The following SHROOM2 variants were observed in gnomAD, a reference collection of about 807,000 sequenced individuals.
The protein encoded by SHROOM2 is protein Shroom2.
A neutral mutation model predicts 75.9 loss-of-function variants in SHROOM2; 33 were observed. That is an observed-to-expected ratio of 0.43 (90% CI 0.33 to 0.58). SHROOM2 has a LOEUF of 0.58. Ranked by LOEUF, SHROOM2 falls within the 20% of genes least tolerant of loss-of-function variation. SHROOM2 has a pLI of 0.04. For synonymous variants in SHROOM2, 655 were observed against 663.6 expected, an observed-to-expected ratio of 0.99 and a Z score of 0.20; for missense variants, 1,434 against 1,461.2, an observed-to-expected ratio of 0.98 and a Z score of 0.30.
At chrX:9,939,680 G>T (rs1238353835) in intron 8 of SHROOM2, among the ~76,000 whole-genome samples, 3 of 111,995 alleles carry the variant, frequency 2.7e-5, no homozygotes, top group Non-Finnish European at 5.6e-5. Context: ...TTGCTCTGTC[G>T]TGCAGGCTTG....
intron 1 of SHROOM2, among the ~76,000 whole-genome samples, chrX:9,869,324 ACTTAT>A (rs1299949529): frequency 7.1e-5 from 8 of 112,681 alleles, no homozygotes; most frequent in African/African-American, 2.6e-4. Flanking sequence ...ATAATATGAA[ACTTAT>A]CTTCTTAATA....
At chrX:9,864,085 G>A (rs967813816) in intron 1 of SHROOM2, among the ~76,000 whole-genome samples, 10 of 110,833 alleles carry the variant, frequency 9.0e-5, no homozygotes, top group Non-Finnish European at 1.7e-4. Context: ...GTCTCCGGGC[G>A]AAACTTCAGT....
At chrX:9,888,171 C>T (rs1039849371) in intron 2 of SHROOM2, among the ~76,000 whole-genome samples, 2 of 112,765 alleles carry the variant, frequency 1.8e-5, no homozygotes, top group Admixed American at 1.9e-4. Context: ...GGGCCTTCCG[C>T]GGGGCTGGCT....
At chrX:9,794,053 G>A (rs754969204) in intron 1 of SHROOM2, among the ~76,000 whole-genome samples, 7 of 112,056 alleles carry the variant, frequency 6.2e-5, no homozygotes, top group East Asian at 5.7e-4. Flanking sequence ...CCTCTTCCCC[G>A]CTCTGAGGAG....
intron 2 of SHROOM2, among the ~76,000 whole-genome samples, chrX:9,884,630 A>G (rs962507232): frequency 1.9e-5 from 2 of 105,292 alleles, no homozygotes; most frequent in East Asian, 2.9e-4. Flanking sequence ...TTAATGTTCA[A>G]TGACATCCTA....
At position 9,868,030 on chromosome X, in the gene SHROOM2, G is replaced by A. The variant is rs969706962; in HGVS notation, c.166-5622G>A. 4.6e-4 allele frequency among the ~76,000 whole-genome samples: 50 copies of A among 109,234 alleles called. No individual in the cohort carries two copies. In the Admixed American group the frequency reaches 4.8e-3, roughly 10 times the overall value. The allele number at this position is 109,234 out of a possible 115,157, so 94.9% of individuals were successfully genotyped here. ...TGTGGGAATGAGACACATTCCCACC[G>A]AAAACCCCACCCGGTCACCACTGAG... On this transcript the variant is annotated intron_variant, in intron 1 of 9. Coordinates refer to ENST00000380913, the MANE Select transcript of SHROOM2 (RefSeq NM_001649.4).
rs2084844281 is a variant in SHROOM2 at position 9,948,658 on chromosome X, A to G, written c.*1721A>G. The G allele has an allele frequency of 1.8e-5, 2 of 113,757 alleles. No homozygotes were observed. The highest frequency in any genetic ancestry group is 3.7e-5 in the Non-Finnish European group (2 of 53,622). The allele number at this position is 113,757 out of a possible 1,213,427, so 9.4% of individuals were successfully genotyped here. On this transcript the variant is annotated 3_prime_UTR_variant, in exon 10 of 10. Transcript: ENST00000380913. ...TCCAAACTGGCAAGCTCAATGATGC[A>G]GGCAATAAACCGCCTTTTTGGCAGC...
At chrX:9,844,783 C>T (rs887462740) in intron 1 of SHROOM2, among the ~76,000 whole-genome samples, 8 of 110,764 alleles carry the variant, frequency 7.2e-5, no homozygotes, top group Non-Finnish European at 1.3e-4. Flanking sequence ...CCATTGCACT[C>T]CAGCCTGGGC....
chrX:9,822,799 G>A (rs996557261), intron 1 of SHROOM2, among the ~76,000 whole-genome samples: 1 of 111,607 alleles, frequency 9.0e-6, no homozygotes, highest in African/African-American at 3.3e-5. Flanking sequence ...CTTGCTTAGT[G>A]CCAGGAGGAG....
chrX:9,868,429 A>G (rs1011739464), intron 1 of SHROOM2, among the ~76,000 whole-genome samples: 79 of 109,266 alleles, frequency 7.2e-4, no homozygotes, highest in Non-Finnish European at 1.2e-3. Context: ...TATTTTTAGT[A>G]GAGATGGGGT....
intron 5 of SHROOM2, among the ~76,000 whole-genome samples, chrX:9,931,510 G>A (rs1648690905): frequency 1.8e-5 from 2 of 111,030 alleles, no homozygotes; most frequent in African/African-American, 6.6e-5. Context: ...AGCCAGGCAT[G>A]GTGGTGGGCA....
intron 5 of SHROOM2, among the ~76,000 whole-genome samples, chrX:9,927,059 A>C (rs973599208): frequency 9.0e-6 from 1 of 111,150 alleles, no homozygotes; most frequent in Non-Finnish European, 1.9e-5. Flanking sequence ...CACCAAAAGT[A>C]GTTATGATGC....
chrX:9,917,832 A>T (rs1432958903), intron 5 of SHROOM2, among the ~76,000 whole-genome samples: 1 of 112,020 alleles, frequency 8.9e-6, no homozygotes, highest in Admixed American at 9.5e-5. Flanking sequence ...CAATATTGTT[A>T]TTACAGTCAC....
intron 3 of SHROOM2, among the ~76,000 whole-genome samples, chrX:9,891,600 C>G (rs2084292550): frequency 8.9e-6 from 1 of 111,835 alleles, no homozygotes; most frequent in African/African-American, 3.3e-5. Context: ...AGATAGTCTG[C>G]TTTTGGTGTG....
intron 1 of SHROOM2, among the ~76,000 whole-genome samples, chrX:9,793,013 A>G (rs2083675537): frequency 9.0e-6 from 1 of 110,990 alleles, no homozygotes. Flanking sequence ...ACACGCTAGG[A>G]GTGTCAGTGT....
intron 1 of SHROOM2, among the ~76,000 whole-genome samples, chrX:9,837,931 G>A (rs1319720724): frequency 9.0e-6 from 1 of 111,435 alleles, no homozygotes; most frequent in East Asian, 2.8e-4. Flanking sequence ...CAGGCCACTG[G>A]GGCATCGGGG....
At chrX:9,906,929 G>C (rs939710116) in intron 5 of SHROOM2, among the ~76,000 whole-genome samples, 1 of 112,416 alleles carries the variant, frequency 8.9e-6, no homozygotes, top group African/African-American at 3.2e-5. Flanking sequence ...CGACCACTCA[G>C]CTCTGCCGTG....
Position 9,947,474 on chromosome X carries a change from T to C in SHROOM2, c.*537T>C, listed in dbSNP as rs1382060748. ...GACCCAGCAGAAATCATCATCATGA[T>C]GATGATAATTTATTAACTTTTTGGA... On this transcript the variant is annotated 3_prime_UTR_variant, in exon 10 of 10. Transcript: ENST00000380913. 1 of 113,438 alleles carries C rather than the reference T, an allele frequency of 8.8e-6. No homozygotes were observed. Among genetic ancestry groups the C allele is most frequent in the Non-Finnish European group, 1.9e-5 (1 of 54,039 alleles). 9.3% of individuals were successfully genotyped at this position (113,438 alleles called of 1,213,427 possible). A position where few individuals can be genotyped will look rare whatever the true frequency, so the allele number is the denominator to read the frequency against.
chrX:9,937,517 T>TG lies in SHROOM2; in HGVS notation c.3975dup (p.Lys1326GlufsTer3). 1 of 1,211,359 alleles carries TG rather than the reference T, an allele frequency of 8.3e-7. No homozygotes were observed. The highest frequency in any genetic ancestry group is 1.1e-6 in the Non-Finnish European group (1 of 895,436). ...TCGGAGGAGCTGGCCAGGGAGATCG[T>TG]GGGGAAGGATAAGTCCCTGGCCGAC... On this transcript the variant is annotated frameshift_variant, in exon 7 of 10. Coordinates refer to ENST00000380913, the MANE Select transcript of SHROOM2 (RefSeq NM_001649.4). LOFTEE classifies it high-confidence loss of function.
Sources: gnomAD v4.1 joint callset for allele counts (sites outside exome capture counted in the v4.1 genomes callset) on GRCh38, gnomAD v4.1.1 for gene constraint, MANE v1.5 for transcripts, NCBI Gene and HGNC (gene_info 2026-07-23, HGNC 2026-07-21) for gene names.